KDM4C: variants seen among roughly 807,000 people sequenced by gnomAD.
KDM4C encodes lysine-specific demethylase 4C.
Under a neutral mutation model 129.3 loss-of-function variants are expected in KDM4C, and 81 were observed. That is an observed-to-expected ratio of 0.63 (90% CI 0.52 to 0.75). The LOEUF (loss-of-function observed/expected upper bound fraction) is 0.75. KDM4C is among the 30% of genes least tolerant of loss of function. The probability of loss-of-function intolerance (pLI) is 0.00; values close to 1 mark genes in which losing one functional copy is unlikely to be tolerated. For missense variants in KDM4C, 1,457 were observed against 1,304.0 expected (o/e 1.12, Z -1.81); for synonymous variants, 573 against 456.1 (o/e 1.26, Z -3.26).
At chr9:7,145,437 G>A (rs189388855) in intron 19 of KDM4C, among the ~76,000 whole-genome samples, 1 of 152,222 alleles carries the variant, frequency 6.6e-6, no homozygotes, top group Non-Finnish European at 1.5e-5. Flanking sequence ...CTGATGGGGG[G>A]CGCACTCCCC....
chr9:6,743,323 T>G (rs1817765743), intron 1 of KDM4C, among the ~76,000 whole-genome samples: 1 of 152,088 alleles, frequency 6.6e-6, no homozygotes, highest in African/African-American at 2.4e-5. Context: ...TGCACATAAC[T>G]ATAACCAGCA....
chr9:6,968,179 T>C (rs1484239881), intron 8 of KDM4C, among the ~76,000 whole-genome samples: 1 of 152,186 alleles, frequency 6.6e-6, no homozygotes, highest in Non-Finnish European at 1.5e-5. Context: ...CTTAGAAAAC[T>C]AAACATGAAT....
intron 15 of KDM4C, among the ~76,000 whole-genome samples, chr9:7,027,494 C>T (rs1033970482): frequency 1.3e-5 from 2 of 152,328 alleles, no homozygotes; most frequent in Non-Finnish European, 2.9e-5. Context: ...ACAGAAGACT[C>T]TCTGTTGTTA....
intron 4 of KDM4C, among the ~76,000 whole-genome samples, chr9:6,822,938 G>A (rs888349969): frequency 2.6e-5 from 4 of 152,172 alleles, no homozygotes; most frequent in African/African-American, 9.7e-5. Context: ...CATTACCTAT[G>A]TTAGTACAGT....
At chr9:6,737,561 G>A (rs1050199562) in intron 1 of KDM4C, among the ~76,000 whole-genome samples, 4 of 150,582 alleles carry the variant, frequency 2.7e-5, no homozygotes, top group Non-Finnish European at 5.9e-5. Context: ...TTACTTGGGA[G>A]CCTGAGGCAG....
chr9:7,130,920 G>A (rs1345559453), intron 19 of KDM4C, among the ~76,000 whole-genome samples: 3 of 144,924 alleles, frequency 2.1e-5, no homozygotes, highest in African/African-American at 7.9e-5. Flanking sequence ...CACCATGCCT[G>A]GCTAATTTTT....
intron 19 of KDM4C, among the ~76,000 whole-genome samples, chr9:7,152,166 T>C (rs888004923): frequency 6.6e-6 from 1 of 152,224 alleles, no homozygotes; most frequent in Non-Finnish European, 1.5e-5. Context: ...TTTATATGCC[T>C]TTTTACCAAG....
At chr9:6,743,141 A>G (rs1817756772) in intron 1 of KDM4C, among the ~76,000 whole-genome samples, 1 of 152,240 alleles carries the variant, frequency 6.6e-6, no homozygotes, top group Non-Finnish European at 1.5e-5. Context: ...TATGAAAATA[A>G]TAAGGGATGA....
intron 15 of KDM4C, among the ~76,000 whole-genome samples, chr9:7,043,645 C>T (rs566752507): frequency 1.3e-5 from 2 of 151,250 alleles, no homozygotes; most frequent in Non-Finnish European, 2.9e-5. Flanking sequence ...TTGAGTCAAA[C>T]AAATGATGTA....
In KDM4C at chr9:6,758,122, T is replaced by C; in HGVS notation, c.-99T>C. On this transcript the variant is annotated 5_prime_UTR_variant, in exon 1 of 22. Coordinates refer to ENST00000381309, the MANE Select transcript of KDM4C (RefSeq NM_015061.6). This position sits in a 1 kb window ranked among gnomAD's most constrained non-coding sequence, Gnocchi z 4.6. Reference sequence around the variant, plus strand: ...TAGTGCGGAACAAGTCTCCCAAATTTCCCAAATCTCCCTGGGCCGGAGGCC... The same window carrying C: ...TAGTGCGGAACAAGTCTCCCAAATTCCCCAAATCTCCCTGGGCCGGAGGCC... 1 of 985,422 alleles carries C rather than the reference T, an allele frequency of 1.0e-6. No individual in the cohort carries two copies. Among genetic ancestry groups the C allele is most frequent in the Non-Finnish European group, 1.2e-6 (1 of 830,028 alleles). 61.0% of individuals were successfully genotyped at this position (985,422 alleles called of 1,614,324 possible).
At chr9:6,994,727 C>G (rs1385124435) in intron 12 of KDM4C, among the ~76,000 whole-genome samples, 6 of 152,130 alleles carry the variant, frequency 3.9e-5, no homozygotes, top group African/African-American at 1.4e-4. Context: ...AAATGTAAAT[C>G]CTTGTCCAGG....
intron 6 of KDM4C, among the ~76,000 whole-genome samples, chr9:6,884,955 C>T (rs1387025189): frequency 6.6e-6 from 1 of 152,172 alleles, no homozygotes; most frequent in East Asian, 1.9e-4. Flanking sequence ...TAGACACATC[C>T]ACTCTATTTC....
intron 8 of KDM4C, chr9:6,925,430 T>G: frequency 1.1e-6 from 1 of 931,328 alleles, no homozygotes; most frequent in Non-Finnish European, 1.3e-6. Flanking sequence ...CCTTCCTCCT[T>G]TCCCCTTTTC....
chr9:7,091,121 A>G (rs977898452), intron 17 of KDM4C, among the ~76,000 whole-genome samples: 1 of 152,124 alleles, frequency 6.6e-6, no homozygotes, highest in African/African-American at 2.4e-5. Context: ...TGTTGAGTTC[A>G]TGAATATTTC....
intron 8 of KDM4C, among the ~76,000 whole-genome samples, chr9:6,938,158 A>T (rs1180020101): frequency 6.6e-6 from 1 of 152,180 alleles, no homozygotes; most frequent in African/African-American, 2.4e-5. Flanking sequence ...GCCCTCCTCC[A>T]GCCAATGTTT....
At chr9:6,760,445 GTATATATA>G (rs60954996) in intron 1 of KDM4C, among the ~76,000 whole-genome samples, 60 of 142,534 alleles carry the variant, frequency 4.2e-4, no homozygotes, top group African/African-American at 1.3e-3. Flanking sequence ...CTACTCTTGG[GTATATATA>G]TATATATATA....
chr9:7,070,837 A>G (rs2132812121), intron 17 of KDM4C, among the ~76,000 whole-genome samples: 1 of 152,276 alleles, frequency 6.6e-6, no homozygotes, highest in East Asian at 1.9e-4. Context: ...TCAACCTCAT[A>G]CTGAGTGCAG....
rs193247186 is a variant in KDM4C, at chr9:7,125,875, C to G, written c.2611-2191C>G. Among the ~76,000 whole-genome samples the G allele has an allele frequency of 2.6e-5, 4 of 152,270 alleles. No individual in the cohort carries two copies. In the East Asian group the frequency reaches 5.8e-4, roughly 22 times the overall value. The stretch of plus-strand genomic sequence containing the variant: ...GACATCAAACAAATCAGAGTTGATA[C>G]CTGAGCTTTTGAGGCTGGTATAAAG... On this transcript the variant is annotated intron_variant, in intron 18 of 21. Transcript: ENST00000381309.
At chr9:7,143,506 G>A (rs932518885) in intron 19 of KDM4C, among the ~76,000 whole-genome samples, 5 of 152,176 alleles carry the variant, frequency 3.3e-5, no homozygotes, top group South Asian at 2.1e-4. Context: ...CCACAGTTGC[G>A]TGCATCAGTA....
Sources: gnomAD v4.1 joint callset for allele counts (sites outside exome capture counted in the v4.1 genomes callset) on GRCh38, gnomAD v4.1.1 for gene constraint, Gnocchi (gnomAD v3.1) non-coding constraint, MANE v1.5 for transcripts, NCBI Gene and HGNC (gene_info 2026-07-23, HGNC 2026-07-21) for gene names.